NBAS: variants seen among roughly 807,000 people sequenced by gnomAD.
The protein encoded by NBAS is NBAS subunit of NRZ tethering complex.
NBAS carries 219 observed loss-of-function variants against 302.5 expected under a neutral mutation model. The ratio of observed to expected loss-of-function variants is 0.72; its 90% CI spans 0.65 to 0.81. The LOEUF is 0.81. Ranked by LOEUF, NBAS falls within the 30% of genes least tolerant of loss-of-function variation. The pLI, the probability that NBAS is intolerant of heterozygous loss-of-function variation, is 0.00. For synonymous variants in NBAS, 1,118 were observed against 1,021.6 expected (o/e 1.09, Z -1.80); for missense variants, 2,932 against 2,841.6 (o/e 1.03, Z -0.72).
intron 28 of NBAS, among the ~76,000 whole-genome samples, chr2:15,393,036 G>T (rs1321326568): frequency 6.6e-6 from 1 of 151,940 alleles, no homozygotes; most frequent in African/African-American, 2.4e-5. Context: ...AACAAATGGT[G>T]AGGAATAATT....
At chr2:14,796,096 T>A in the NBAS span, among the ~76,000 whole-genome samples, 2 of 152,230 alleles carry the variant, frequency 1.3e-5, no homozygotes, top group African/African-American at 4.8e-5. Context: ...AACCATTTGT[T>A]GAAAAGAATA....
intron 44 of NBAS, among the ~76,000 whole-genome samples, chr2:15,244,144 C>T (rs1419320066): frequency 6.6e-6 from 1 of 151,968 alleles, no homozygotes; most frequent in Non-Finnish European, 1.5e-5. Flanking sequence ...ATGAAAAGAC[C>T]CTGTAGATGT....
chr2:15,103,339 G>A, the NBAS span, among the ~76,000 whole-genome samples: 2 of 152,056 alleles, frequency 1.3e-5, no homozygotes, highest in African/African-American at 2.4e-5. Flanking sequence ...TTATTACCTA[G>A]GGAACATATT....
At chr2:15,120,079 C>G in the NBAS span, among the ~76,000 whole-genome samples, 1 of 152,164 alleles carries the variant, frequency 6.6e-6, no homozygotes, top group African/African-American at 2.4e-5. Flanking sequence ...TGTGAGGCCC[C>G]TGGCAGCACA....
chr2:15,307,627 C>T (rs999601077), intron 40 of NBAS, among the ~76,000 whole-genome samples: 10 of 152,258 alleles, frequency 6.6e-5, no homozygotes, highest in African/African-American at 1.7e-4. Flanking sequence ...GATTTTTCAG[C>T]GGCATCTGTA....
the NBAS span, among the ~76,000 whole-genome samples, chr2:15,144,155 A>G: frequency 2.0e-5 from 3 of 150,398 alleles, 1 homozygote; most frequent in African/African-American, 7.4e-5. Context: ...CCCAGGGCCC[A>G]CCCACGGTCC....
intron 48 of NBAS, among the ~76,000 whole-genome samples, chr2:15,206,628 A>G (rs991007176): frequency 6.6e-6 from 1 of 152,238 alleles, no homozygotes; most frequent in Non-Finnish European, 1.5e-5. Context: ...CCAGGGCGCC[A>G]CTGCTCTATG....
At chr2:14,874,895 A>T in the NBAS span, among the ~76,000 whole-genome samples, 2 of 152,192 alleles carry the variant, frequency 1.3e-5, no homozygotes, top group Admixed American at 6.5e-5. Context: ...AACTAAAAAA[A>T]CAAAACTCAT....
chr2:15,520,716 T>A lies in NBAS; in HGVS notation c.747-9366A>T, dbSNP rs2287277. Among the ~76,000 whole-genome samples the A allele has an allele frequency of 2.0e-5, 3 of 152,330 alleles. No homozygotes were observed. In the South Asian group the frequency reaches 6.2e-4, roughly 32 times the overall value. ...TTGAATTTCATATGATTTTCATGTA[T>A]GATAAAATATTCTTTTGAGGTTTTT... On this transcript the variant is annotated intron_variant, in intron 9 of 51. Transcript: ENST00000281513.
chr2:15,008,112 A>G, the NBAS span, among the ~76,000 whole-genome samples: 5 of 152,332 alleles, frequency 3.3e-5, no homozygotes, highest in East Asian at 9.7e-4. Flanking sequence ...TTATGGCTCC[A>G]AAGTGTCACT....
the NBAS span, among the ~76,000 whole-genome samples, chr2:15,160,745 AC>A: frequency 1.3e-5 from 2 of 152,206 alleles, no homozygotes; most frequent in African/African-American, 4.8e-5. Flanking sequence ...ATTTTGGCGC[AC>A]AGATTGAGCT....
At chr2:14,822,699 C>T in the NBAS span, among the ~76,000 whole-genome samples, 1 of 152,186 alleles carries the variant, frequency 6.6e-6, no homozygotes, top group East Asian at 1.9e-4. Context: ...CCAGTGAAAA[C>T]TCCCACAAGG....
rs575306369 is a variant in NBAS at position 15,410,064 on chromosome 2, A to C, written c.2937+5482T>G. On this transcript the variant is annotated intron_variant, in intron 25 of 51. Coordinates refer to ENST00000281513, the MANE Select transcript of NBAS (RefSeq NM_015909.4). ...CATTCCCCACTCCCCTAGAATCCAG[A>C]ATACATACCCAGGGAGTCATGCTCC... Among the ~76,000 whole-genome samples the C allele has an allele frequency of 4.6e-5, 7 of 152,280 alleles. No individual in the cohort carries two copies. The South Asian group carries it at 1.5e-3, about 32-fold the overall frequency.
intron 16 of NBAS, among the ~76,000 whole-genome samples, chr2:15,469,531 T>A (rs939761970): frequency 6.6e-6 from 1 of 152,126 alleles, no homozygotes; most frequent in Non-Finnish European, 1.5e-5. Flanking sequence ...TAAAGACATA[T>A]GCACACGTAT....
chr2:15,232,769 G>C (rs1667434885), intron 46 of NBAS, among the ~76,000 whole-genome samples: 1 of 151,958 alleles, frequency 6.6e-6, no homozygotes, highest in South Asian at 2.1e-4. Flanking sequence ...TACTTGCGCT[G>C]TGTCATTCGA....
At chr2:15,229,347 CAAAAA>C (rs61152926) in intron 47 of NBAS, among the ~76,000 whole-genome samples, 1 of 76,868 alleles carries the variant, frequency 1.3e-5, no homozygotes, top group Non-Finnish European at 2.7e-5. Context: ...TCTCAAAAAA[CAAAAA>C]AAAAAAAAAA....
chr2:15,415,871 C>A, intron 24 of NBAS, 152 bp from the exon 25 acceptor site: 1 of 814,514 alleles, frequency 1.2e-6, no homozygotes, highest in Non-Finnish European at 2.1e-6. Flanking sequence ...TCCAGTTCAC[C>A]ACTCACATGT....
the NBAS span, among the ~76,000 whole-genome samples, chr2:14,787,273 C>T: frequency 6.6e-6 from 1 of 152,112 alleles, no homozygotes; most frequent in South Asian, 2.1e-4. Flanking sequence ...GACTCTTTAT[C>T]CAATTTGCCA....
At chr2:15,186,672 AT>A (rs1161578156) in intron 50 of NBAS, 69 bp downstream of exon 50, 11 of 1,602,378 alleles carry the variant, frequency 6.9e-6, no homozygotes, top group Non-Finnish European at 9.4e-6. Flanking sequence ...AGTCTCTGGG[AT>A]TGCTTACAAT....
Sources: allele counts gnomAD v4.1 joint callset (sites outside exome capture counted in the v4.1 genomes callset), GRCh38; gene constraint gnomAD v4.1.1; transcripts MANE v1.5; gene names NCBI Gene and HGNC (gene_info 2026-07-23, HGNC 2026-07-21).